The following MAML3 variants were observed in gnomAD, a reference collection of about 807,000 sequenced individuals.
MAML3 encodes the protein mastermind-like protein 3.
In MAML3, 27 loss-of-function variants were observed where a neutral mutation model predicts 101.9. That is an observed-to-expected ratio of 0.27 (90% CI 0.20 to 0.37). The LOEUF is 0.37. MAML3 is among the 10% of genes least tolerant of loss of function. MAML3 has a pLI of 1.00. For missense variants in MAML3, 1,316 were observed against 1,444.9 expected (o/e 0.91, Z 1.45); for synonymous variants, 501 against 555.9 (o/e 0.90, Z 1.39).
At chr4:140,067,438 T>C (rs1727558467) in intron 1 of MAML3, among the ~76,000 whole-genome samples, 1 of 152,140 alleles carries the variant, frequency 6.6e-6, no homozygotes, top group Non-Finnish European at 1.5e-5. Flanking sequence ...ATACGTATTA[T>C]TTACAATAAA....
chr4:140,149,621 A>G (rs79953354), intron 1 of MAML3, among the ~76,000 whole-genome samples: 12,829 of 152,300 alleles, frequency 0.084, 803 homozygotes, highest in East Asian at 0.25. Flanking sequence ...AATACCAATG[A>G]AACAGTAAAG....
chr4:139,720,437 A>C lies in MAML3; in HGVS notation c.2417-114T>G, dbSNP rs970849376. On this transcript the variant is annotated intron_variant, in intron 4 of 4. Coordinates refer to ENST00000509479, the MANE Select transcript of MAML3 (RefSeq NM_018717.5). Reference sequence around the variant, plus strand: ...AAAATTCCTTTATATGAAAGGATCTACTCTGATAATAAATCTGTAACAAAA... The same window carrying C: ...AAAATTCCTTTATATGAAAGGATCTCCTCTGATAATAAATCTGTAACAAAA... The C allele has an allele frequency of 5.8e-6, 5 of 866,536 alleles. No homozygotes were observed. The African/African-American group carries it at 6.8e-5, about 12-fold the overall frequency. 53.7% of individuals were successfully genotyped at this position (866,536 alleles called of 1,614,324 possible).
chr4:139,915,409 G>A (rs1733007200), intron 1 of MAML3, among the ~76,000 whole-genome samples: 1 of 152,148 alleles, frequency 6.6e-6, no homozygotes, highest in Non-Finnish European at 1.5e-5. Context: ...TCTATCTAAC[G>A]ACTCAGAATG....
At chr4:139,904,513 T>C (rs1004813782) in intron 1 of MAML3, among the ~76,000 whole-genome samples, 3 of 152,128 alleles carry the variant, frequency 2.0e-5, no homozygotes, top group African/African-American at 7.2e-5. Flanking sequence ...GCAGTAGGCA[T>C]AGGCGACCAC....
intron 1 of MAML3, among the ~76,000 whole-genome samples, chr4:139,941,056 T>C (rs1330481076): frequency 6.6e-6 from 1 of 152,228 alleles, no homozygotes; most frequent in Non-Finnish European, 1.5e-5. Context: ...CAAATGTTCT[T>C]CACCCTACAA....
At chr4:139,920,497 A>C (rs925218330) in intron 1 of MAML3, among the ~76,000 whole-genome samples, 6 of 152,232 alleles carry the variant, frequency 3.9e-5, no homozygotes, top group Non-Finnish European at 7.3e-5. Context: ...GAACTCCCCA[A>C]AACAAAAAGG....
intron 1 of MAML3, among the ~76,000 whole-genome samples, chr4:140,142,912 G>A (rs1468557327): frequency 2.0e-5 from 3 of 152,108 alleles, no homozygotes; most frequent in Admixed American, 1.3e-4. Context: ...AACAAGGGGG[G>A]AAAGAAAGAC....
Position 140,091,255 on chromosome 4 carries a change from A to G in MAML3, c.468+61605T>C, listed in dbSNP as rs140563795. On this transcript the variant is annotated intron_variant, in intron 1 of 4. Transcript: ENST00000509479. ...CTATTCCATTCTCCTTGCTCGCAGC[A>G]AAGCTGGCTTTAGCTGACAGGCAAG... Among the ~76,000 whole-genome samples the G allele has an allele frequency of 2.4e-4, 36 of 152,284 alleles. No homozygotes were observed. The East Asian group carries it at 6.2e-3, about 26-fold the overall frequency.
chr4:140,058,259 G>T (rs1727386278), intron 1 of MAML3, among the ~76,000 whole-genome samples: 1 of 126,050 alleles, frequency 7.9e-6, no homozygotes, highest in South Asian at 2.6e-4. Flanking sequence ...AGCCCTTCAA[G>T]CTCAGAGTAC....
At chr4:140,106,461 G>A (rs1362371151) in intron 1 of MAML3, among the ~76,000 whole-genome samples, 2 of 152,174 alleles carry the variant, frequency 1.3e-5, no homozygotes, top group Admixed American at 1.3e-4. Context: ...GCATTTGTGT[G>A]TGGGCATGTG....
chr4:139,950,342 T>A (rs952926665), intron 1 of MAML3, among the ~76,000 whole-genome samples: 16 of 152,128 alleles, frequency 1.1e-4, no homozygotes, highest in Admixed American at 4.6e-4. Context: ...GCCTGGCCAA[T>A]ATTAACTCTT....
intron 1 of MAML3, among the ~76,000 whole-genome samples, chr4:139,941,031 A>T (rs145060384): frequency 6.6e-6 from 1 of 152,226 alleles, no homozygotes; most frequent in Non-Finnish European, 1.5e-5. Flanking sequence ...ATTTACAATC[A>T]TAAATTAAAA....
intron 1 of MAML3, among the ~76,000 whole-genome samples, chr4:139,943,864 C>CTTTTTTTTTTTTTTTTTT (rs10644498): frequency 0.011 from 706 of 65,840 alleles, 104 homozygotes; most frequent in Middle Eastern, 0.019. Context: ...CTAAAGACAA[C>CTTTTTTTTTTTTTTTTTT]TTTTTTTTTT....
chr4:139,893,016 C>T (rs1732535118), intron 1 of MAML3, among the ~76,000 whole-genome samples: 1 of 151,794 alleles, frequency 6.6e-6, no homozygotes, highest in Non-Finnish European at 1.5e-5. Flanking sequence ...ACCTTTTTGC[C>T]TCTCTATTCA....
At chr4:139,764,243 C>A (rs901965231) in intron 2 of MAML3, among the ~76,000 whole-genome samples, 4 of 152,196 alleles carry the variant, frequency 2.6e-5, no homozygotes, top group African/African-American at 9.7e-5. Flanking sequence ...CCATCATGGG[C>A]AAGACTCATT....
At chr4:139,916,907 G>A (rs1024939342) in intron 1 of MAML3, among the ~76,000 whole-genome samples, 13 of 152,044 alleles carry the variant, frequency 8.6e-5, no homozygotes, top group Admixed American at 2.0e-4. Flanking sequence ...TTAACCTCCC[G>A]TACAATACCA....
At chr4:139,987,749 G>A (rs186821041) in intron 1 of MAML3, among the ~76,000 whole-genome samples, 81 of 152,186 alleles carry the variant, frequency 5.3e-4, no homozygotes, top group Middle Eastern at 3.4e-3. Flanking sequence ...GCTGGGCCCC[G>A]TGGCTCACAC....
intron 1 of MAML3, among the ~76,000 whole-genome samples, chr4:139,960,880 G>A (rs573162022): frequency 6.6e-6 from 1 of 152,116 alleles, no homozygotes; most frequent in African/African-American, 2.4e-5. Context: ...TGAGGCAAAT[G>A]TTCTTTAGCC....
At chr4:139,844,514 T>C (rs1198377674) in intron 2 of MAML3, among the ~76,000 whole-genome samples, 1 of 152,212 alleles carries the variant, frequency 6.6e-6, no homozygotes. Flanking sequence ...TGGTGAACTC[T>C]CAATCCCTTA....
Sources: allele counts gnomAD v4.1 joint callset (sites outside exome capture counted in the v4.1 genomes callset), GRCh38; gene constraint gnomAD v4.1.1; transcripts MANE v1.5; gene names NCBI Gene and HGNC (gene_info 2026-07-23, HGNC 2026-07-21).